Variants in CCDC85A observed in about 807,000 individuals in gnomAD.
CCDC85A encodes coiled-coil domain containing 85A.
A neutral mutation model predicts 50.2 loss-of-function variants in CCDC85A; 38 were observed. That is an observed-to-expected ratio of 0.76 (90% confidence interval 0.58 to 0.99). The LOEUF (loss-of-function observed/expected upper bound fraction) is 0.99. Ranked by LOEUF, CCDC85A falls within the 50% of genes least tolerant of loss-of-function variation. CCDC85A has a pLI of 0.00. For synonymous variants in CCDC85A, 366 were observed against 301.4 expected, an observed-to-expected ratio of 1.21 and a Z score of -2.22; for missense variants, 820 against 742.0, an observed-to-expected ratio of 1.11 and a Z score of -1.22.
intron 2 of CCDC85A, among the ~76,000 whole-genome samples, chr2:56,219,480 A>G (rs1449038301): frequency 6.6e-6 from 1 of 151,678 alleles, no homozygotes; most frequent in Non-Finnish European, 1.5e-5. Context: ...TTGAACCCCT[A>G]TTCTGCTGCA....
At chr2:56,285,360 T>A (rs1381447806) in intron 2 of CCDC85A, among the ~76,000 whole-genome samples, 1 of 150,518 alleles carries the variant, frequency 6.6e-6, no homozygotes, top group Non-Finnish European at 1.5e-5. Flanking sequence ...TACCTTGGCC[T>A]CCCAGAGTGC....
Position 56,188,833 on chromosome 2 carries a change from A to G in CCDC85A, c.277-3644A>G, listed in dbSNP as rs553663348. Among the ~76,000 whole-genome samples the G allele has an allele frequency of 4.3e-4, 65 of 152,354 alleles. No homozygotes were observed. The South Asian group carries it at 1.0e-2, about 23-fold the overall frequency. On this transcript the variant is annotated intron_variant, in intron 1 of 5. Transcript: ENST00000407595. The stretch of plus-strand genomic sequence containing the variant: ...AGCTTTATATGGTTGATCAGTCCAT[A>G]AACACATATTGAGTGTCCACTGTAT...
intron 1 of CCDC85A, among the ~76,000 whole-genome samples, chr2:56,185,433 G>A (rs1431904852): frequency 6.6e-6 from 1 of 152,104 alleles, no homozygotes; most frequent in Admixed American, 6.5e-5. Flanking sequence ...TGTGTCACCG[G>A]GTACATAGGA....
intron 2 of CCDC85A, among the ~76,000 whole-genome samples, chr2:56,273,767 G>A (rs1670801873): frequency 6.6e-6 from 1 of 151,834 alleles, no homozygotes; most frequent in Non-Finnish European, 1.5e-5. Flanking sequence ...CAGAACTGGG[G>A]TTGGAAGTAG....
At chr2:56,334,692 A>G (rs529406263) in intron 2 of CCDC85A, among the ~76,000 whole-genome samples, 6 of 152,350 alleles carry the variant, frequency 3.9e-5, no homozygotes, top group Admixed American at 1.3e-4. Flanking sequence ...ACAAAGCAGT[A>G]TATTCCAATC....
intron 2 of CCDC85A, among the ~76,000 whole-genome samples, chr2:56,221,424 C>T (rs1461693738): frequency 2.0e-5 from 3 of 151,818 alleles, no homozygotes; most frequent in Admixed American, 2.0e-4. Flanking sequence ...ATAATACTTG[C>T]AGCTAGAAGG....
intron 3 of CCDC85A, among the ~76,000 whole-genome samples, chr2:56,348,326 C>T (rs530875394): frequency 2.6e-5 from 4 of 152,296 alleles, no homozygotes; most frequent in African/African-American, 7.2e-5. Flanking sequence ...TCCATAGAGG[C>T]ACCCGGAACT....
intron 2 of CCDC85A, among the ~76,000 whole-genome samples, chr2:56,255,752 T>TTTG (rs759080051): frequency 3.3e-5 from 5 of 152,118 alleles, no homozygotes; most frequent in Admixed American, 1.3e-4. Context: ...GGTTGGGGTT[T>TTTG]TTGTTGTTGT....
At chr2:56,330,843 A>G (rs1454759817) in intron 2 of CCDC85A, among the ~76,000 whole-genome samples, 1 of 152,136 alleles carries the variant, frequency 6.6e-6, no homozygotes, top group Non-Finnish European at 1.5e-5. Context: ...AAATAGAACT[A>G]CCATTTGATC....
rs148266037 is a variant in CCDC85A at position 56,321,996 on chromosome 2, A to G, written c.1241-20883A>G. On this transcript the variant is annotated intron_variant, in intron 2 of 5. Transcript: ENST00000407595. ...CCCTCAGAAATAATACCACACATCT[A>G]CAACCATCTGGTCTTTGACAAACCT... Among the ~76,000 whole-genome samples the G allele has an allele frequency of 9.4e-3, 1,426 of 152,272 alleles. 21 individuals are homozygous for G. The highest frequency in any genetic ancestry group is 0.032 in the African/African-American group (1,336 of 41,556).
intron 2 of CCDC85A, among the ~76,000 whole-genome samples, chr2:56,232,067 T>C (rs1018778113): frequency 6.6e-6 from 1 of 152,110 alleles, no homozygotes; most frequent in Non-Finnish European, 1.5e-5. Context: ...CTTATTTGCA[T>C]CTTTCTTTTC....
At chr2:56,294,428 A>G (rs1671857802) in intron 2 of CCDC85A, among the ~76,000 whole-genome samples, 1 of 152,226 alleles carries the variant, frequency 6.6e-6, no homozygotes, top group African/African-American at 2.4e-5. Flanking sequence ...CTGCACATGT[A>G]TACCATAACT....
intron 2 of CCDC85A, among the ~76,000 whole-genome samples, chr2:56,231,852 A>G (rs1330808492): frequency 6.6e-6 from 1 of 152,000 alleles, no homozygotes; most frequent in African/African-American, 2.4e-5. Flanking sequence ...AGTTCCCCCT[A>G]CTTTACTGAG....
Position 56,193,202 on chromosome 2 carries a change from G to T in CCDC85A, c.1002G>T (p.Gly334=), listed in dbSNP as rs1463936646. The change falls in exon 2 of 6, where the codon GGG becomes GGT. Residue 334 remains glycine (G), a synonymous_variant. Transcript: ENST00000407595. ...SSPEHARHSG[G]SPEHLQKHAL... ...CTGAACACGCCAGGCACAGTGGAGG[G>T]AGCCCGGAGCATCTTCAGAAACACG... 1.9e-6 allele frequency: 3 copies of T among 1,610,992 alleles called. No individual in the cohort carries two copies. Among genetic ancestry groups the T allele is most frequent in the Admixed American group, 3.3e-5 (2 of 59,780 alleles).
chr2:56,301,250 C>T (rs920542816), intron 2 of CCDC85A, among the ~76,000 whole-genome samples: 3 of 152,038 alleles, frequency 2.0e-5, no homozygotes, highest in Non-Finnish European at 2.9e-5. Context: ...TTGTGTTTGT[C>T]TGTGTGTAAA....
intron 2 of CCDC85A, among the ~76,000 whole-genome samples, chr2:56,298,071 A>G (rs558058246): frequency 2.0e-5 from 3 of 152,178 alleles, no homozygotes; most frequent in Non-Finnish European, 4.4e-5. Flanking sequence ...ACCATCTTGC[A>G]TAGCCAGTGA....
intron 3 of CCDC85A, among the ~76,000 whole-genome samples, chr2:56,344,937 A>C (rs1164199363): frequency 4.6e-5 from 7 of 152,142 alleles, no homozygotes; most frequent in African/African-American, 1.4e-4. Flanking sequence ...ATCAAAAAAA[A>C]AAAGAGGCAC....
chr2:56,186,423 G>A (rs1305924235), intron 1 of CCDC85A, among the ~76,000 whole-genome samples: 1 of 152,160 alleles, frequency 6.6e-6, no homozygotes, highest in African/African-American at 2.4e-5. Context: ...GGGTGTTATG[G>A]CAATAAGTTA....
intron 2 of CCDC85A, among the ~76,000 whole-genome samples, chr2:56,342,615 A>G (rs1326742593): frequency 6.6e-6 from 1 of 152,212 alleles, no homozygotes; most frequent in Non-Finnish European, 1.5e-5. Flanking sequence ...TCTTAATACT[A>G]ATCGTCAATT....
Sources: gnomAD v4.1 joint callset for allele counts (sites outside exome capture counted in the v4.1 genomes callset) on GRCh38, gnomAD v4.1.1 for gene constraint, MANE v1.5 for transcripts, NCBI Gene and HGNC (gene_info 2026-07-23, HGNC 2026-07-21) for gene names.